The following KAT14 variants were observed in gnomAD, a reference collection of about 807,000 sequenced individuals.
KAT14 encodes the protein cysteine-rich protein 2-binding protein.
Under a neutral mutation model 78.4 loss-of-function variants are expected in KAT14, and 66 were observed. The observed-to-expected ratio is 0.84, with a 90% CI of 0.69 to 1.03. The LOEUF (loss-of-function observed/expected upper bound fraction) is 1.03. Ranked by LOEUF, KAT14 falls within the 50% of genes least tolerant of loss-of-function variation. KAT14 has a pLI of 0.00. For missense variants in KAT14, 870 were observed against 972.5 expected, an observed-to-expected ratio of 0.89 and a Z score of 1.40; for synonymous variants, 344 against 359.4, an observed-to-expected ratio of 0.96 and a Z score of 0.48.
chr20:18,151,425 GACC>G (rs1372703622), intron 4 of KAT14, among the ~76,000 whole-genome samples: 2 of 151,814 alleles, frequency 1.3e-5, no homozygotes, highest in Non-Finnish European at 2.9e-5. Context: ...TTGAACTCCT[GACC>G]ACAAGTGATC....
Position 18,161,757 on chromosome 20 carries a change from A to G in KAT14, c.683-66A>G, listed in dbSNP as rs753925771. On this transcript the variant is annotated intron_variant, in intron 5 of 10. Transcript: ENST00000688188. The stretch of plus-strand genomic sequence containing the variant: ...AAAAGCCGAAAACATCTGAAATCCA[A>G]AACATGCTTGTGCCCAAGCATTTCA... 126 of 1,539,096 alleles carry G rather than the reference A, an allele frequency of 8.2e-5. No individual in the cohort carries two copies. The Middle Eastern group carries it at 1.1e-3, about 13-fold the overall frequency.
rs183782957 is a variant in KAT14 at position 18,166,301 on chromosome 20, C to T, written c.1668+3356C>T. On this transcript the variant is annotated intron_variant, in intron 7 of 10. Coordinates refer to ENST00000688188, the MANE Select transcript of KAT14 (RefSeq NM_001392073.1). The stretch of plus-strand genomic sequence containing the variant: ...GACCTCACAATCTTAAACTGATACC[C>T]GATTTGCTAATAGCCTAAAACTTTC... 8.3e-4 allele frequency among the ~76,000 whole-genome samples: 127 copies of T among 152,266 alleles called. 1 individual carries two copies. Among genetic ancestry groups the T allele is most frequent in the African/African-American group, 2.8e-3 (115 of 41,550 alleles).
chr20:18,186,845 T>C (rs1323370868), intron 10 of KAT14, among the ~76,000 whole-genome samples: 2 of 152,312 alleles, frequency 1.3e-5, no homozygotes, highest in South Asian at 2.1e-4. Context: ...GCATGTAATT[T>C]AGCAGGCCTA....
chr20:18,176,300 C>CAAAA lies in KAT14; in HGVS notation c.1669-5394_1669-5391dup, dbSNP rs11484238. 1.7e-4 allele frequency among the ~76,000 whole-genome samples: 19 copies of CAAAA among 111,572 alleles called. 1 individual carries two copies. Among genetic ancestry groups the CAAAA allele is most frequent in the Non-Finnish European group, 2.3e-4 (13 of 56,548 alleles). 73.2% of individuals were successfully genotyped at this position (111,572 alleles called of 152,430 possible). ...TGGGCAACAGAGTGAGACTTCGTCT[C>CAAAA]AAAAAAAAAAAAAAAAAAAGTGCCA... On this transcript the variant is annotated intron_variant, in intron 7 of 10. Coordinates refer to ENST00000688188, the MANE Select transcript of KAT14 (RefSeq NM_001392073.1).
chr20:18,157,775 G>A (rs969200522), intron 4 of KAT14, among the ~76,000 whole-genome samples: 2 of 152,180 alleles, frequency 1.3e-5, no homozygotes, highest in Non-Finnish European at 1.5e-5. Context: ...ATTGCAGTAT[G>A]TGATAGGATT....
intron 10 of KAT14, 71 bp downstream of exon 10, chr20:18,184,863 G>C: frequency 2.0e-6 from 3 of 1,489,026 alleles, no homozygotes; most frequent in Non-Finnish European, 2.7e-6. Context: ...GAGGAATGAA[G>C]CTGAGCTAGC....
At chr20:18,161,513 T>C (rs962339408) in intron 5 of KAT14, among the ~76,000 whole-genome samples, 1 of 152,172 alleles carries the variant, frequency 6.6e-6, no homozygotes, top group Non-Finnish European at 1.5e-5. Context: ...TTACTCATAA[T>C]AATAAATTAG....
intron 7 of KAT14, among the ~76,000 whole-genome samples, chr20:18,168,687 T>C (rs1190755177): frequency 6.6e-6 from 1 of 152,170 alleles, no homozygotes; most frequent in African/African-American, 2.4e-5. Context: ...GTTTTCTTTT[T>C]TCTATTATTT....
rs2146529657 is a variant in KAT14, at chr20:18,181,774, G to T, written c.1733G>T (p.Gly578Val). 1.2e-6 allele frequency: 2 copies of T among 1,614,216 alleles called. No individual in the cohort carries two copies. The highest frequency in any genetic ancestry group is 1.7e-6 in the Non-Finnish European group (2 of 1,180,040). The change falls in exon 8 of 11, where the codon GGA becomes GTA. Residue 578 changes from glycine to valine, a missense_variant. Physicochemically the swap from Gly to Val is moderately radical, Grantham distance 109. Coordinates refer to ENST00000688188, the MANE Select transcript of KAT14 (RefSeq NM_001392073.1). ...ACCAAGTTTTTGTATCGCTTGGTAG[G>T]ATCAGAAGATATGGCTGTGGACCAG... is the stretch of plus-strand genomic sequence containing the variant. ...QTTKFLYRLV[G>V]SEDMAVDQSI...
At chr20:18,171,358 GT>G (rs1232672677) in intron 7 of KAT14, among the ~76,000 whole-genome samples, 1 of 152,192 alleles carries the variant, frequency 6.6e-6, no homozygotes, top group South Asian at 2.1e-4. Flanking sequence ...AAAGAAAGTG[GT>G]TTTTTGAGAT....
chr20:18,160,452 G>T (rs1568667672), intron 5 of KAT14, among the ~76,000 whole-genome samples: 4 of 152,150 alleles, frequency 2.6e-5, no homozygotes, highest in South Asian at 2.1e-4. Flanking sequence ...GTATGTCTTG[G>T]ACATCTTTCC....
intron 3 of KAT14, 142 bp downstream of exon 3, chr20:18,145,493 A>T: frequency 7.7e-7 from 1 of 1,303,762 alleles, no homozygotes; most frequent in Non-Finnish European, 1.1e-6. Flanking sequence ...GATACCGAAT[A>T]TGTGGAGAAG....
chr20:18,183,055 C>A, intron 8 of KAT14, 68 bp from the exon 9 acceptor site: 1 of 1,535,668 alleles, frequency 6.5e-7, no homozygotes, highest in South Asian at 1.3e-5. Context: ...TTATATGAGT[C>A]AAAAAGCTAG....
At chr20:18,156,800 G>T (rs150871731) in intron 4 of KAT14, among the ~76,000 whole-genome samples, 1 of 152,224 alleles carries the variant, frequency 6.6e-6, no homozygotes, top group African/African-American at 2.4e-5. Context: ...TCCCCTTTGT[G>T]TAAGGACACC....
chr20:18,160,956 T>C (rs1479298653), intron 5 of KAT14, among the ~76,000 whole-genome samples: 1 of 151,966 alleles, frequency 6.6e-6, no homozygotes, highest in Non-Finnish European at 1.5e-5. Flanking sequence ...AGGTGGATCA[T>C]CTGAGGTCAG....
chr20:18,165,826 G>C (rs1483248159), intron 7 of KAT14, among the ~76,000 whole-genome samples: 2 of 152,156 alleles, frequency 1.3e-5, no homozygotes, highest in Admixed American at 1.3e-4. Context: ...TTTCCTGCCT[G>C]AGCTGACAGC....
intron 7 of KAT14, among the ~76,000 whole-genome samples, chr20:18,166,973 G>A (rs1392246255): frequency 6.6e-6 from 1 of 152,200 alleles, no homozygotes; most frequent in Admixed American, 6.5e-5. Context: ...CTGGGCTCAG[G>A]ATGCTGGTTG....
At chr20:18,167,914 C>T (rs753168082) in intron 7 of KAT14, among the ~76,000 whole-genome samples, 26 of 151,848 alleles carry the variant, frequency 1.7e-4, no homozygotes, top group Non-Finnish European at 3.2e-4. Flanking sequence ...CATTTTCATG[C>T]ACTTATCTCT....
At chr20:18,145,029 T>C (rs1178165740) in intron 2 of KAT14, 37 of 1,257,930 alleles carry the variant, frequency 2.9e-5, no homozygotes, top group Admixed American at 1.9e-4. Context: ...TACTGGATCC[T>C]ACAGATCTTA....
Sources: allele counts gnomAD v4.1 joint callset (sites outside exome capture counted in the v4.1 genomes callset), GRCh38; gene constraint gnomAD v4.1.1; transcripts MANE v1.5; gene names NCBI Gene and HGNC (gene_info 2026-07-23, HGNC 2026-07-21).